Variants in SLC24A2 observed in about 807,000 individuals in gnomAD.
SLC24A2 encodes the protein solute carrier family 24 member 2.
Under a neutral mutation model 62.0 loss-of-function variants are expected in SLC24A2, and 36 were observed. That is an observed-to-expected ratio of 0.58 (90% CI 0.44 to 0.77). SLC24A2 has a LOEUF of 0.77. SLC24A2 is among the 30% of genes least tolerant of loss of function. The probability of loss-of-function intolerance (pLI) is 0.00; values close to 1 mark genes in which losing one functional copy is unlikely to be tolerated. For missense variants in SLC24A2, 846 were observed against 817.9 expected (o/e 1.03, Z -0.42); for synonymous variants, 358 against 294.0 (o/e 1.22, Z -2.23).
the SLC24A2 span, among the ~76,000 whole-genome samples, chr9:20,101,806 A>G: frequency 6.6e-6 from 1 of 152,176 alleles, no homozygotes; most frequent in Non-Finnish European, 1.5e-5. Context: ...AACTTACCTT[A>G]AGGGAAGGGA....
chr9:19,532,226 A>G (rs186389841), intron 8 of SLC24A2, among the ~76,000 whole-genome samples: 1 of 152,112 alleles, frequency 6.6e-6, no homozygotes, highest in East Asian at 1.9e-4. Context: ...GTTTACAGGC[A>G]TGGGATTACA....
chr9:19,567,690 C>A lies in SLC24A2; in HGVS notation c.1347+5661G>T, dbSNP rs140142909. On this transcript the variant is annotated intron_variant, in intron 7 of 10. Transcript: ENST00000341998. ...AATGCTAGTAAATTTTTAAAATAAC[C>A]AAAAAAAAAAAAAAAATTTGAGAAG... Among the ~76,000 whole-genome samples the A allele has an allele frequency of 5.0e-3, 711 of 142,322 alleles. 5 individuals are homozygous for A. The highest frequency in any genetic ancestry group is 0.014 in the South Asian group (65 of 4,498). The allele number at this position is 142,322 out of a possible 152,430, so 93.4% of individuals were successfully genotyped here. A position where few individuals can be genotyped will look rare whatever the true frequency, so the allele number is the denominator to read the frequency against.
the SLC24A2 span, among the ~76,000 whole-genome samples, chr9:20,035,043 G>C: frequency 4.6e-5 from 7 of 151,612 alleles, no homozygotes; most frequent in African/African-American, 1.5e-4. Flanking sequence ...ATATATACTA[G>C]AAAAAAGTAC....
chr9:19,619,194 C>G (rs965375030), intron 4 of SLC24A2, among the ~76,000 whole-genome samples: 2 of 152,214 alleles, frequency 1.3e-5, no homozygotes, highest in African/African-American at 4.8e-5. Context: ...TTCTTTTTCT[C>G]TCTTTTTTAA....
At chr9:19,935,504 G>T in the SLC24A2 span, among the ~76,000 whole-genome samples, 1 of 152,154 alleles carries the variant, frequency 6.6e-6, no homozygotes, top group African/African-American at 2.4e-5. Context: ...ACAAAACAAA[G>T]CTGCCACCTG....
At chr9:19,595,502 G>C (rs1214250133) in intron 5 of SLC24A2, among the ~76,000 whole-genome samples, 1 of 152,168 alleles carries the variant, frequency 6.6e-6, no homozygotes, top group Non-Finnish European at 1.5e-5. Flanking sequence ...AACACAATTT[G>C]ACAGTTTTGC....
the SLC24A2 span, among the ~76,000 whole-genome samples, chr9:19,945,011 A>C: frequency 6.6e-6 from 1 of 152,300 alleles, no homozygotes; most frequent in East Asian, 1.9e-4. Flanking sequence ...TCTTTTGTGC[A>C]TACAGAGTGG....
chr9:19,887,445 A>C, the SLC24A2 span, among the ~76,000 whole-genome samples: 2 of 152,338 alleles, frequency 1.3e-5, no homozygotes, highest in South Asian at 2.1e-4. Flanking sequence ...CAAACATATG[A>C]AAAAATGCTC....
chr9:20,300,587 G>T, the SLC24A2 span, among the ~76,000 whole-genome samples: 2 of 152,138 alleles, frequency 1.3e-5, no homozygotes, highest in African/African-American at 4.8e-5. Context: ...TTGACATCAA[G>T]TTGGCCCATA....
intron 2 of SLC24A2, among the ~76,000 whole-genome samples, chr9:19,627,736 A>G (rs1210374110): frequency 2.0e-5 from 3 of 152,056 alleles, no homozygotes; most frequent in Non-Finnish European, 4.4e-5. Flanking sequence ...GTCTTGCTAT[A>G]TTGCCCAGAC....
chr9:20,108,724 G>A, the SLC24A2 span, among the ~76,000 whole-genome samples: 18 of 151,738 alleles, frequency 1.2e-4, no homozygotes, highest in Admixed American at 2.0e-4. Context: ...GGGAGGGATA[G>A]CATTAGGAGA....
the SLC24A2 span, among the ~76,000 whole-genome samples, chr9:20,001,784 C>A: frequency 0.47 from 70,636 of 151,828 alleles, 17,459 homozygotes; most frequent in Non-Finnish European, 0.56. Flanking sequence ...GTTGCCTCTC[C>A]CAAAGAAAAA....
chr9:19,676,782 T>C (rs1328876345), intron 2 of SLC24A2, among the ~76,000 whole-genome samples: 4 of 152,324 alleles, frequency 2.6e-5, no homozygotes, highest in Non-Finnish European at 4.4e-5. Context: ...AGATTTGGCT[T>C]TGGAAAGAAA....
the SLC24A2 span, among the ~76,000 whole-genome samples, chr9:20,147,717 G>T: frequency 6.6e-6 from 1 of 151,466 alleles, no homozygotes; most frequent in African/African-American, 2.4e-5. Context: ...AATTTCAGAG[G>T]ATGGCCCGTG....
At chr9:20,179,986 A>G in the SLC24A2 span, among the ~76,000 whole-genome samples, 18 of 152,304 alleles carry the variant, frequency 1.2e-4, no homozygotes, top group Middle Eastern at 0.014. Context: ...TAACCAACAC[A>G]GTATATTTAC....
At chr9:20,131,609 T>C in the SLC24A2 span, among the ~76,000 whole-genome samples, 7 of 152,110 alleles carry the variant, frequency 4.6e-5, no homozygotes, top group African/African-American at 1.2e-4. Context: ...CTGTGAGCCA[T>C]AGGAGGCTTT....
the SLC24A2 span, among the ~76,000 whole-genome samples, chr9:19,950,536 A>G: frequency 2.6e-5 from 4 of 152,256 alleles, no homozygotes; most frequent in African/African-American, 9.6e-5. Context: ...GTCAAGTCTT[A>G]TAACAACCAC....
chr9:19,649,014 A>AAC (rs1554691786), intron 2 of SLC24A2, among the ~76,000 whole-genome samples: 2 of 150,982 alleles, frequency 1.3e-5, no homozygotes, highest in Admixed American at 6.6e-5. Context: ...AAAAAAAAAA[A>AAC]AAAAACAAAA....
the SLC24A2 span, among the ~76,000 whole-genome samples, chr9:20,268,094 C>G: frequency 5.3e-5 from 8 of 152,170 alleles, no homozygotes; most frequent in Non-Finnish European, 1.0e-4. Context: ...GCCTGAGGTG[C>G]AAGTGAACTA....
Sources: allele counts gnomAD v4.1 joint callset (sites outside exome capture counted in the v4.1 genomes callset), GRCh38; gene constraint gnomAD v4.1.1; transcripts MANE v1.5; gene names NCBI Gene and HGNC (gene_info 2026-07-23, HGNC 2026-07-21).